Variants in PRKAA2 observed in about 807,000 individuals in gnomAD.
PRKAA2 encodes the protein protein kinase AMP-activated catalytic subunit alpha 2, also known as 5'-AMP-activated protein kinase catalytic subunit alpha-2.
PRKAA2 carries 40 observed loss-of-function variants against 56.3 expected under a neutral mutation model. That is an observed-to-expected ratio of 0.71 (90% CI 0.55 to 0.92). PRKAA2 has a LOEUF of 0.92. Among genes scored for constraint, PRKAA2 ranks in the 40% least tolerant of loss-of-function variants. The probability of loss-of-function intolerance (pLI) is 0.00; values close to 1 mark genes in which losing one functional copy is unlikely to be tolerated. For synonymous variants in PRKAA2, 214 were observed against 234.2 expected, an observed-to-expected ratio of 0.91 and a Z score of 0.79; for missense variants, 542 against 686.9, an observed-to-expected ratio of 0.79 and a Z score of 2.36.
At chr1:56,696,226 T>C in intron 6 of PRKAA2, 67 bp downstream of exon 6, 1 of 1,422,490 alleles carries the variant, frequency 7.0e-7, no homozygotes, top group Middle Eastern at 1.8e-4. Context: ...ATTAAATGAT[T>C]CTCCCAAAGT....
chr1:56,698,937 T>C (rs1644276096), intron 6 of PRKAA2, among the ~76,000 whole-genome samples: 2 of 152,260 alleles, frequency 1.3e-5, no homozygotes, highest in Middle Eastern at 3.4e-3. Context: ...ATCTTAAGCT[T>C]AGTAATAGTA....
Position 56,691,394 on chromosome 1 carries a change from A to T in PRKAA2, c.237A>T (p.Leu79=). ...TAACTTTTTTTAATTAACAAAAAAG[A>T]TACCAGGTGATCAGCACTCCAACAG... is the stretch of plus-strand genomic sequence containing the variant. ...KLFRHPHIIK[L]YQVISTPTDF... Residue 79 remains leucine, a splice_region_variant and synonymous_variant, in exon 3 of 9, where the codon CTA becomes CTT. Transcript: ENST00000371244. The T allele has an allele frequency of 6.2e-7, 1 of 1,607,884 alleles. No individual in the cohort carries two copies. Among genetic ancestry groups the T allele is most frequent in the East Asian group, 2.2e-5 (1 of 44,680 alleles).
Position 56,692,533 on chromosome 1 carries a change from AC to A in PRKAA2, c.475+32del, listed in dbSNP as rs761779926. 9.4e-6 allele frequency: 15 copies of A among 1,600,910 alleles called. No individual in the cohort carries two copies. In the South Asian group the frequency reaches 1.7e-4, roughly 18 times the overall value. On this transcript the variant is annotated intron_variant, in intron 4 of 8. Coordinates refer to ENST00000371244, the MANE Select transcript of PRKAA2 (RefSeq NM_006252.4). ...TAACTCCAGGGTTGTTCAGAAAGGT[AC>A]TAGCTACCTTTTAAAGCATAACAAC...
chr1:56,650,537 T>C (rs576315621), intron 1 of PRKAA2, among the ~76,000 whole-genome samples: 1 of 152,336 alleles, frequency 6.6e-6, no homozygotes, highest in African/African-American at 2.4e-5. Flanking sequence ...GTTTGTGTTA[T>C]ATAAAGACTG....
rs563217647 is a variant in PRKAA2, at chr1:56,715,081, A to G, written c.*7368A>G. 7 of 152,252 alleles carry G rather than the reference A, an allele frequency of 4.6e-5. No homozygotes were observed. In the South Asian group the frequency reaches 1.0e-3, roughly 23 times the overall value. The allele number at this position is 152,252 out of a possible 1,614,324, so 9.4% of individuals were successfully genotyped here. ...TTCTGTTCAAATAAACTCCGATTCA[A>G]ATTTCAGTTTTGTTTGTTATATACT... On this transcript the variant is annotated 3_prime_UTR_variant, in exon 9 of 9. Coordinates refer to ENST00000371244, the MANE Select transcript of PRKAA2 (RefSeq NM_006252.4).
chr1:56,677,862 GC>G (rs1035828508), intron 2 of PRKAA2, among the ~76,000 whole-genome samples: 7 of 152,012 alleles, frequency 4.6e-5, no homozygotes, highest in Non-Finnish European at 7.4e-5. Context: ...CCGCCATTTT[GC>G]CAGGCTGGTC....
In PRKAA2 at chr1:56,711,702, A is replaced by G. The variant is rs552918532; in HGVS notation, c.*3989A>G. 3.3e-5 allele frequency: 5 copies of G among 152,278 alleles called. No individual in the cohort carries two copies. The highest frequency in any genetic ancestry group is 3.9e-4 in the East Asian group (2 of 5,182). The allele number at this position is 152,278 out of a possible 1,614,324, so 9.4% of individuals were successfully genotyped here. On this transcript the variant is annotated 3_prime_UTR_variant, in exon 9 of 9. Coordinates refer to ENST00000371244, the MANE Select transcript of PRKAA2 (RefSeq NM_006252.4). ...AAACTCTGGACGAGGGATATGTGCA[A>G]TCTGTTGGTAAGTCACATCCTATGT...
chr1:56,654,519 C>T (rs564951155), intron 1 of PRKAA2, among the ~76,000 whole-genome samples: 1 of 152,186 alleles, frequency 6.6e-6, no homozygotes, highest in African/African-American at 2.4e-5. Context: ...ACCCTTAAAG[C>T]ATTAAATATG....
chr1:56,708,908 A>G lies in PRKAA2; in HGVS notation c.*1195A>G, dbSNP rs879138983. 6.6e-6 allele frequency: 1 copy of G among 151,930 alleles called. No homozygotes were observed. The highest frequency in any genetic ancestry group is 1.5e-5 in the Non-Finnish European group (1 of 67,986). The allele number at this position is 151,930 out of a possible 1,614,324, so 9.4% of individuals were successfully genotyped here. On this transcript the variant is annotated 3_prime_UTR_variant, in exon 9 of 9. Transcript: ENST00000371244. Reference sequence around the variant, plus strand: ...AATAAATAAATATATATATTCACACACCAGTGCTTTTAAGCAAAAACCAGT... The same window carrying G: ...AATAAATAAATATATATATTCACACGCCAGTGCTTTTAAGCAAAAACCAGT...
chr1:56,681,594 C>T (rs1440169839), intron 2 of PRKAA2, among the ~76,000 whole-genome samples: 4 of 152,198 alleles, frequency 2.6e-5, no homozygotes, highest in Non-Finnish European at 4.4e-5. Context: ...ATTTTCCCAG[C>T]ACCATTTTTA....
At chr1:56,681,054 C>A (rs1179217830) in intron 2 of PRKAA2, among the ~76,000 whole-genome samples, 8 of 152,148 alleles carry the variant, frequency 5.3e-5, no homozygotes, top group Non-Finnish European at 8.8e-5. Flanking sequence ...GCCATTCTAA[C>A]TGGTGTGAGA....
intron 6 of PRKAA2, 78 bp from the exon 7 acceptor site, chr1:56,703,893 A>G (rs892664577): frequency 1.0e-4 from 146 of 1,426,012 alleles, no homozygotes; most frequent in Non-Finnish European, 1.4e-4. Flanking sequence ...ATTATATTCT[A>G]TTATATTGCC....
At chr1:56,704,527 T>G (rs773058874) in intron 7 of PRKAA2, 52 bp downstream of exon 7, 9 of 1,523,610 alleles carry the variant, frequency 5.9e-6, no homozygotes, top group Non-Finnish European at 7.0e-6. Context: ...TTTTCTATAT[T>G]ATAAGCTGCT....
At chr1:56,659,598 G>T (rs549920787) in intron 1 of PRKAA2, among the ~76,000 whole-genome samples, 1 of 151,622 alleles carries the variant, frequency 6.6e-6, no homozygotes, top group Non-Finnish European at 1.5e-5. Context: ...ATATTTTAAA[G>T]TTACAATCTA....
In PRKAA2 at chr1:56,714,350, A is replaced by G. The variant is rs1250858246; in HGVS notation, c.*6637A>G. 2 of 152,174 alleles carry G rather than the reference A, an allele frequency of 1.3e-5. No individual in the cohort carries two copies. The highest frequency in any genetic ancestry group is 4.1e-4 in the South Asian group (2 of 4,834). The allele number at this position is 152,174 out of a possible 1,614,324, so 9.4% of individuals were successfully genotyped here. A position where few individuals can be genotyped will look rare whatever the true frequency, so the allele number is the denominator to read the frequency against. On this transcript the variant is annotated 3_prime_UTR_variant, in exon 9 of 9. Transcript: ENST00000371244. Reference sequence around the variant, plus strand: ...ATAACCTACCTCACAGATGTGTGTGAGCAACTGTTTGAAAGCCCTTGTTTA... The same window carrying G: ...ATAACCTACCTCACAGATGTGTGTGGGCAACTGTTTGAAAGCCCTTGTTTA...
intron 1 of PRKAA2, among the ~76,000 whole-genome samples, chr1:56,650,683 C>T (rs895460445): frequency 5.3e-5 from 8 of 152,060 alleles, no homozygotes; most frequent in African/African-American, 1.9e-4. Context: ...TATGTTTACC[C>T]ATATGTGGTT....
rs777905794 is a variant in PRKAA2 at position 56,706,103 on chromosome 1, A to G, written c.1305A>G (p.Ala435=). The G allele has an allele frequency of 1.9e-6, 3 of 1,610,304 alleles. No individual in the cohort carries two copies. The South Asian group carries it at 3.3e-5, about 18-fold the overall frequency. ...QLDFEWKVVN[A]YHLRVRRKNP... ...ATTTTTCACTTTAGGTAGTGAATGC[A>G]TACCATCTTCGTGTAAGAAGAAAAA... is the stretch of plus-strand genomic sequence containing the variant. Residue 435 remains alanine, a synonymous_variant, in exon 8 of 9, where the codon GCA becomes GCG. Coordinates refer to ENST00000371244, the MANE Select transcript of PRKAA2 (RefSeq NM_006252.4).
intron 1 of PRKAA2, among the ~76,000 whole-genome samples, chr1:56,653,884 TTGTATACATACATATATA>T (rs1643922243): frequency 6.6e-6 from 1 of 152,054 alleles, no homozygotes; most frequent in African/African-American, 2.4e-5. Context: ...TATATATATT[TTGTATACATACATATATA>T]TGTATGTATG....
intron 2 of PRKAA2, among the ~76,000 whole-genome samples, chr1:56,685,390 C>T (rs1644184108): frequency 1.3e-5 from 2 of 152,126 alleles, no homozygotes; most frequent in African/African-American, 4.8e-5. Context: ...ATCTGATGGC[C>T]TGCACTTCAA....
Sources: gnomAD v4.1 joint callset for allele counts (sites outside exome capture counted in the v4.1 genomes callset) on GRCh38, gnomAD v4.1.1 for gene constraint, MANE v1.5 for transcripts, NCBI Gene and HGNC (gene_info 2026-07-23, HGNC 2026-07-21) for gene names.